Variants in LRP1 observed in about 807,000 individuals in gnomAD.
LRP1 encodes prolow-density lipoprotein receptor-related protein 1.
A neutral mutation model predicts 541.5 loss-of-function variants in LRP1; 51 were observed. That is an observed-to-expected ratio of 0.09 (90% CI 0.08 to 0.12). LRP1 has a LOEUF of 0.12. Among genes scored for constraint, LRP1 ranks in the 10% least tolerant of loss-of-function variants. The probability of loss-of-function intolerance (pLI) is 1.00; values close to 1 mark genes in which losing one functional copy is unlikely to be tolerated. For synonymous variants in LRP1, 2,219 were observed against 2,470.8 expected (o/e 0.90, Z 3.02); for missense variants, 3,878 against 6,376.2 (o/e 0.61, Z 13.34).
chr12:57,205,952 C>T lies in LRP1; in HGVS notation c.11590+275C>T, dbSNP rs563296471. On this transcript the variant is annotated intron_variant, in intron 75 of 88. Coordinates refer to ENST00000243077, the MANE Select transcript of LRP1 (RefSeq NM_002332.3). This position sits in a 1 kb window ranked among gnomAD's most constrained non-coding sequence, Gnocchi z 4.6. ...GCCAGGACGAGAGTACACTCAGACA[C>T]GCATTGCACACTCACAGTCATGGGG... Among the ~76,000 whole-genome samples, 11 of 152,304 alleles carry T rather than the reference C, an allele frequency of 7.2e-5. No homozygotes were observed. Among genetic ancestry groups the T allele is most frequent in the East Asian group, 3.9e-4 (2 of 5,190 alleles).
rs765796837 is a variant in LRP1, at chr12:57,173,854, G to A, written c.3421G>A (p.Glu1141Lys). 8.7e-6 allele frequency: 14 copies of A among 1,614,214 alleles called. No homozygotes were observed. The highest frequency in any genetic ancestry group is 5.1e-6 in the Non-Finnish European group (6 of 1,180,038). ...GGATAACTCGGACGAGGAGAACTGC[G>A]AGTCCCTGGCCTGCAGGCCACCCTC... ...CEDNSDEENC[E>K]SLACRPPSHP... The change falls in exon 22 of 89, where the codon GAG (glutamate) becomes AAG (lysine). Residue 1141 changes from glutamate (E) to lysine (K), a missense_variant. Coordinates refer to ENST00000243077, the MANE Select transcript of LRP1 (RefSeq NM_002332.3). The surrounding 1 kb of genome is among the most constrained non-coding windows in gnomAD (Gnocchi z 4.7).
At position 57,211,674 on chromosome 12, in the gene LRP1, C is replaced by T. The variant is rs1253017666; in HGVS notation, c.13194-76C>T. 8.3e-7 allele frequency: 1 copy of T among 1,211,920 alleles called. No individual in the cohort carries two copies. Among genetic ancestry groups the T allele is most frequent in the Non-Finnish European group, 1.2e-6 (1 of 816,484 alleles). 75.1% of individuals were successfully genotyped at this position (1,211,920 alleles called of 1,614,324 possible). On this transcript the variant is annotated intron_variant, in intron 85 of 88. Transcript: ENST00000243077. This position sits in a 1 kb window ranked among gnomAD's most constrained non-coding sequence, Gnocchi z 4.3. Reference sequence around the variant, plus strand: ...AGGAGGACCGTCAGGCCTCAGTGCCCACCCCCCGCCCTGTTTTCCTGGCAG... The same window carrying T: ...AGGAGGACCGTCAGGCCTCAGTGCCTACCCCCCGCCCTGTTTTCCTGGCAG...
At chr12:57,210,531 C>T (rs2036887769) in intron 82 of LRP1, 51 bp downstream of exon 82, 1 of 1,495,084 alleles carries the variant, frequency 6.7e-7, no homozygotes, top group African/African-American at 1.4e-5. Flanking sequence ...GGCCCCAGCC[C>T]CGCCACCCAC....
chr12:57,166,787 G>A, intron 17 of LRP1, 143 bp from the exon 18 acceptor site: 1 of 642,522 alleles, frequency 1.6e-6, no homozygotes, highest in Non-Finnish European at 2.8e-6. Context: ...AGTGAGACCA[G>A]AGAGATGGTT....
chr12:57,177,805 C>G lies in LRP1; in HGVS notation c.4361+214C>G, dbSNP rs2036079126. Among the ~76,000 whole-genome samples the G allele has an allele frequency of 6.6e-6, 1 of 152,136 alleles. No homozygotes were observed. ...GTAGAGGAGGCGGAAGCAGGGCCATCAGCTGTGGTTATTCACACTGTACCA... is the reference window on the plus strand; with the variant it reads ...GTAGAGGAGGCGGAAGCAGGGCCATGAGCTGTGGTTATTCACACTGTACCA... On this transcript the variant is annotated intron_variant, in intron 26 of 88. Coordinates refer to ENST00000243077, the MANE Select transcript of LRP1 (RefSeq NM_002332.3). This position sits in a 1 kb window ranked among gnomAD's most constrained non-coding sequence, Gnocchi z 6.8.
chr12:57,136,997 T>C (rs1435378728), intron 1 of LRP1, among the ~76,000 whole-genome samples: 1 of 152,126 alleles, frequency 6.6e-6, no homozygotes, highest in African/African-American at 2.4e-5. Context: ...ATCCCAGCAC[T>C]TTGGGAGGCT....
Position 57,175,448 on chromosome 12 carries a change from C to T in LRP1, c.3548-12C>T. 2 of 1,612,018 alleles carry T rather than the reference C, an allele frequency of 1.2e-6. No homozygotes were observed. Among genetic ancestry groups the T allele is most frequent in the Non-Finnish European group, 8.5e-7 (1 of 1,180,000 alleles). ...TGACCCTGGGTCTGTTCCATGCCTG[C>T]CCCTCCCCTAGACCAGTGCTCTCTG... On this transcript the variant is annotated splice_polypyrimidine_tract_variant and intron_variant, in intron 22 of 88. Coordinates refer to ENST00000243077, the MANE Select transcript of LRP1 (RefSeq NM_002332.3).
At position 57,179,426 on chromosome 12, in the gene LRP1, C is replaced by T. The variant is rs142527401; in HGVS notation, c.4836C>T (p.Pro1612=). 3.7e-5 allele frequency: 59 copies of T among 1,614,108 alleles called. No individual in the cohort carries two copies. Among genetic ancestry groups the T allele is most frequent in the East Asian group, 2.2e-4 (10 of 44,904 alleles). Residue 1612 remains proline (P), a synonymous_variant, in exon 29 of 89, where the codon CCC becomes CCT. Coordinates refer to ENST00000243077, the MANE Select transcript of LRP1 (RefSeq NM_002332.3). The surrounding 1 kb of genome is among the most constrained non-coding windows in gnomAD (Gnocchi z 6.8). ...YYNYIISFTV[P]DIDNVTVLDY... Reference sequence around the variant, plus strand: ...ACTACATCATCTCCTTCACGGTGCCCGACATCGACAACGTCACAGTGCTAG... The same window carrying T: ...ACTACATCATCTCCTTCACGGTGCCTGACATCGACAACGTCACAGTGCTAG...
intron 3 of LRP1, among the ~76,000 whole-genome samples, chr12:57,142,834 C>T (rs991331731): frequency 6.6e-6 from 1 of 152,232 alleles, no homozygotes; most frequent in East Asian, 1.9e-4. Flanking sequence ...GAGAAAGAAT[C>T]GCTGGGGCCT....
At position 57,205,366 on chromosome 12, in the gene LRP1, G is replaced by A; in HGVS notation, c.11351G>A (p.Ser3784Asn). Reference protein sequence around the residue: ...EDCSIDPKLTSCATNASICGD... With the variant: ...EDCSIDPKLTNCATNASICGD... ...TCCCCCACAGACCCCAAGCTGACCA[G>A]CTGCGCCACCAATGCCAGCATCTGT... Residue 3784 changes from serine to asparagine, a missense_variant, in exon 74 of 89, where the codon AGC (serine) becomes AAC (asparagine). By Grantham distance (46) the Ser-to-Asn change is conservative. Transcript: ENST00000243077. The surrounding 1 kb of genome is among the most constrained non-coding windows in gnomAD (Gnocchi z 4.6). 6.2e-7 allele frequency: 1 copy of A among 1,607,758 alleles called. No individual in the cohort carries two copies.
At chr12:57,203,799 G>A (rs1458097599) in intron 70 of LRP1, 3 of 446,316 alleles carry the variant, frequency 6.7e-6, no homozygotes, top group Admixed American at 8.5e-5. Flanking sequence ...AACCCTGAGG[G>A]CTGTGCCCAT....
At chr12:57,150,296 A>G (rs2035502969) in intron 6 of LRP1, among the ~76,000 whole-genome samples, 1 of 143,392 alleles carries the variant, frequency 7.0e-6, no homozygotes, top group African/African-American at 2.6e-5. Context: ...GGTTCACGCC[A>G]TTCTTCTGCC....
Position 57,160,884 on chromosome 12 carries a change from T to C in LRP1, c.1980-9T>C. ...TGCCCAGGTGATGCTGACCAGTCGC[T>C]GCCCACAGGTGGATGTACTGGACAG... is the stretch of plus-strand genomic sequence containing the variant. On this transcript the variant is annotated splice_polypyrimidine_tract_variant and intron_variant, in intron 12 of 88. Transcript: ENST00000243077. 1 of 1,611,670 alleles carries C rather than the reference T, an allele frequency of 6.2e-7. No individual in the cohort carries two copies. Among genetic ancestry groups the C allele is most frequent in the Non-Finnish European group, 8.5e-7 (1 of 1,178,484 alleles).
In LRP1 at chr12:57,156,713, A is replaced by G; in HGVS notation, c.1418-64A>G. 1 of 1,513,662 alleles carries G rather than the reference A, an allele frequency of 6.6e-7. No individual in the cohort carries two copies. Among genetic ancestry groups the G allele is most frequent in the Non-Finnish European group, 8.9e-7 (1 of 1,117,892 alleles). The allele number at this position is 1,513,662 out of a possible 1,614,324, so 93.8% of individuals were successfully genotyped here. A position where few individuals can be genotyped will look rare whatever the true frequency, so the allele number is the denominator to read the frequency against. ...GCAGGGGGTGTGGTCAGATTCAGGA[A>G]GCCTTCTCAAGGCCTGGCACAGGGG... On this transcript the variant is annotated intron_variant, in intron 9 of 88. Transcript: ENST00000243077. The surrounding 1 kb of genome is among the most constrained non-coding windows in gnomAD (Gnocchi z 5.2).
chr12:57,188,097 A>G (rs746666611), intron 42 of LRP1, among the ~76,000 whole-genome samples: 1 of 152,190 alleles, frequency 6.6e-6, no homozygotes. Flanking sequence ...CCAGCCAGGA[A>G]GTGAGGTCAG....
chr12:57,195,472 G>C (rs1252896900), intron 52 of LRP1, 73 bp downstream of exon 52: 1 of 1,586,002 alleles, frequency 6.3e-7, no homozygotes, highest in Non-Finnish European at 8.6e-7. Context: ...GGGGAAGCCG[G>C]GGTGCAGGAG....
chr12:57,208,669 G>A (rs1261483461), intron 77 of LRP1, 42 bp from the exon 78 acceptor site: 4 of 1,331,818 alleles, frequency 3.0e-6, no homozygotes, highest in Non-Finnish European at 4.3e-6. Context: ...TGCCTCCTCT[G>A]GCCCTCCGGC....
At chr12:57,163,397 G>A (rs1197770890) in intron 15 of LRP1, among the ~76,000 whole-genome samples, 1 of 152,144 alleles carries the variant, frequency 6.6e-6, no homozygotes, top group East Asian at 1.9e-4. Flanking sequence ...TGGTCAACAA[G>A]GCAAAACCCC....
chr12:57,149,958 A>G, intron 6 of LRP1: 1 of 558,126 alleles, frequency 1.8e-6, no homozygotes, highest in Non-Finnish European at 3.2e-6. Context: ...TCCCAAGGCC[A>G]GAGAGGCAGG....
Sources: allele counts gnomAD v4.1 joint callset (sites outside exome capture counted in the v4.1 genomes callset), GRCh38; gene constraint gnomAD v4.1.1; non-coding constraint Gnocchi (gnomAD v3.1); transcripts MANE v1.5; gene names NCBI Gene and HGNC (gene_info 2026-07-23, HGNC 2026-07-21).